The following ZNF625 variants were observed in gnomAD, a reference collection of about 807,000 sequenced individuals.
The protein encoded by ZNF625 is zinc finger protein 625.
ZNF625 carries 8 observed loss-of-function variants against 11.1 expected under a neutral mutation model. That is an observed-to-expected ratio of 0.72 (90% confidence interval 0.42 to 1.30). The LOEUF (loss-of-function observed/expected upper bound fraction) is 1.30. Ranked by LOEUF, ZNF625 falls within the 50% of genes most tolerant of loss-of-function variation. The probability of loss-of-function intolerance (pLI) is 0.01; values close to 1 mark genes in which losing one functional copy is unlikely to be tolerated. For missense variants in ZNF625, 349 were observed against 447.6 expected (o/e 0.78, Z 1.99); for synonymous variants, 145 against 153.4 (o/e 0.95, Z 0.41).
At position 12,145,090 on chromosome 19, in the gene ZNF625, A is replaced by C. The variant is rs914882062; in HGVS notation, c.*207T>G. On this transcript the variant is annotated 3_prime_UTR_variant, in exon 4 of 4. Transcript: ENST00000439556. ...GTGTCTCTCTTAAGAGTTATTTCCA[A>C]CTCTGTGTCCTAGGTATCTGAGTGA... 2 of 609,762 alleles carry C rather than the reference A, an allele frequency of 3.3e-6. No individual in the cohort carries two copies. The highest frequency in any genetic ancestry group is 1.8e-5 in the African/African-American group (1 of 54,296). 37.8% of individuals were successfully genotyped at this position (609,762 alleles called of 1,614,324 possible). A position where few individuals can be genotyped will look rare whatever the true frequency, so the allele number is the denominator to read the frequency against.
chr19:12,147,603 C>T (rs1976895239), intron 2 of ZNF625, 73 bp downstream of exon 2: 2 of 1,606,176 alleles, frequency 1.2e-6, no homozygotes, highest in South Asian at 2.2e-5. Context: ...CACTCCAAAT[C>T]ACTCAACACT....
chr19:12,150,410 C>T (rs889975274), intron 1 of ZNF625, among the ~76,000 whole-genome samples: 2 of 152,278 alleles, frequency 1.3e-5, no homozygotes, highest in Admixed American at 6.5e-5. Flanking sequence ...AGAAACCCCA[C>T]CCTGGCCCCT....
intron 1 of ZNF625, among the ~76,000 whole-genome samples, chr19:12,155,991 A>T (rs1018734145): frequency 1.3e-5 from 2 of 151,942 alleles, no homozygotes; most frequent in Admixed American, 6.6e-5. Context: ...CTGGGATTAC[A>T]GGTGGGCGGC....
chr19:12,145,792 G>A lies in ZNF625; in HGVS notation c.624C>T (p.Ile208=), dbSNP rs770419269. Residue 208 remains isoleucine, a synonymous_variant, in exon 4 of 4, where the codon ATC becomes ATT. Transcript: ENST00000439556. The part of the protein sequence containing the change: ...KALMCLSLYL[I]HKRTHTGEKP... ...TCTCTCCAGTGTGAGTTCGTTTGTGGATAAGATACAAACTGAGACACATCA... is the reference window on the plus strand; with the variant it reads ...TCTCTCCAGTGTGAGTTCGTTTGTGAATAAGATACAAACTGAGACACATCA... 1.9e-6 allele frequency: 3 copies of A among 1,613,992 alleles called. No individual in the cohort carries two copies. The highest frequency in any genetic ancestry group is 2.7e-5 in the African/African-American group (2 of 74,898).
At chr19:12,147,921 G>A (rs560317318) in intron 1 of ZNF625, 119 bp from the exon 2 acceptor site, 209 of 1,268,360 alleles carry the variant, frequency 1.6e-4, no homozygotes, top group Non-Finnish European at 2.1e-4. Context: ...TCCATGATCT[G>A]GTCATCAGAC....
intron 1 of ZNF625, among the ~76,000 whole-genome samples, chr19:12,155,350 A>G (rs1977012287): frequency 6.6e-6 from 1 of 152,140 alleles, no homozygotes; most frequent in Non-Finnish European, 1.5e-5. Flanking sequence ...AGTGAAACAT[A>G]TCTGTTTTTT....
chr19:12,147,959 C>T (rs912634098), intron 1 of ZNF625, among the ~76,000 whole-genome samples, 157 bp from the exon 2 acceptor site: 5 of 152,078 alleles, frequency 3.3e-5, no homozygotes, highest in African/African-American at 1.2e-4. Flanking sequence ...CTCACTCTTC[C>T]ATAAAGAAAT....
At position 12,145,439 on chromosome 19, in the gene ZNF625, G is replaced by A. The variant is rs956908495; in HGVS notation, c.977C>T (p.Thr326Ile). ...SHLRTHGRTH[T>I]GEKPYECKQC... ...TTTACATTCATAGGGTTTCTCTCCAGTGTGAGTCCTTCCATGTGTTCGAAG... is the reference window on the plus strand; with the variant it reads ...TTTACATTCATAGGGTTTCTCTCCAATGTGAGTCCTTCCATGTGTTCGAAG... The change falls in exon 4 of 4, where the codon ACT becomes ATT. Residue 326 changes from threonine to isoleucine, a missense_variant. Thr to Ile is a moderately conservative substitution (Grantham distance 89, BLOSUM62 -1). Coordinates refer to ENST00000439556, the MANE Select transcript of ZNF625 (RefSeq NM_145233.4). 11 of 1,614,072 alleles carry A rather than the reference G, an allele frequency of 6.8e-6. No homozygotes were observed. The Admixed American group carries it at 1.0e-4, about 15-fold the overall frequency.
intron 1 of ZNF625, among the ~76,000 whole-genome samples, chr19:12,148,944 A>G (rs1976915774): frequency 1.3e-5 from 2 of 151,908 alleles, no homozygotes; most frequent in Admixed American, 6.6e-5. Context: ...TCTTTCAGCA[A>G]TCTACTTTTG....
chr19:12,147,551 T>C, intron 2 of ZNF625, 96 bp from the exon 3 acceptor site: 1 of 1,540,256 alleles, frequency 6.5e-7, no homozygotes, highest in Non-Finnish European at 8.9e-7. Context: ...CTTGCAGCAT[T>C]TATTCACATT....
In ZNF625 at chr19:12,145,033, T is replaced by C. The variant is rs991556289; in HGVS notation, c.*264A>G. ...CCGGCCAAACCTCGTATTTTTTTTATGACAGAACTGTCTTAAGGTCTTACT... is the reference window on the plus strand; with the variant it reads ...CCGGCCAAACCTCGTATTTTTTTTACGACAGAACTGTCTTAAGGTCTTACT... On this transcript the variant is annotated 3_prime_UTR_variant, in exon 4 of 4. Coordinates refer to ENST00000439556, the MANE Select transcript of ZNF625 (RefSeq NM_145233.4). 1.0e-5 allele frequency: 4 copies of C among 390,506 alleles called. No individual in the cohort carries two copies. The highest frequency in any genetic ancestry group is 7.0e-4 in the Middle Eastern group (1 of 1,430). The allele number at this position is 390,506 out of a possible 1,614,324, so 24.2% of individuals were successfully genotyped here.
At chr19:12,156,509 C>G in intron 1 of ZNF625, 47 bp downstream of exon 1, 1 of 1,407,080 alleles carries the variant, frequency 7.1e-7, no homozygotes, top group Non-Finnish European at 9.3e-7. Flanking sequence ...GAGCCGGTTC[C>G]TCCCGGCCCC....
chr19:12,156,545 C>T lies in ZNF625; in HGVS notation c.3+11G>A, dbSNP rs773324249. ...TCCCCCGTCTCGGGACCCCCGGCCC[C>T]GCACACTCACCATTTCCCGGCTTCC... On this transcript the variant is annotated intron_variant, in intron 1 of 3. Transcript: ENST00000439556. 11 of 1,428,912 alleles carry T rather than the reference C, an allele frequency of 7.7e-6. No individual in the cohort carries two copies. The highest frequency in any genetic ancestry group is 1.0e-5 in the Non-Finnish European group (11 of 1,089,424). 88.5% of individuals were successfully genotyped at this position (1,428,912 alleles called of 1,614,324 possible). A position where few individuals can be genotyped will look rare whatever the true frequency, so the allele number is the denominator to read the frequency against.
chr19:12,146,730 C>T (rs1386405755), intron 3 of ZNF625, among the ~76,000 whole-genome samples: 1 of 152,188 alleles, frequency 6.6e-6, no homozygotes, highest in Non-Finnish European at 1.5e-5. Flanking sequence ...GGGCGCCCGG[C>T]CAACACTATT....
At chr19:12,148,700 C>T (rs932425953) in intron 1 of ZNF625, among the ~76,000 whole-genome samples, 10 of 150,886 alleles carry the variant, frequency 6.6e-5, no homozygotes, top group Non-Finnish European at 1.3e-4. Context: ...TGGCTCACTG[C>T]AACCTCAGCC....
At chr19:12,148,345 C>T (rs1260894350) in intron 1 of ZNF625, among the ~76,000 whole-genome samples, 1 of 152,096 alleles carries the variant, frequency 6.6e-6, no homozygotes, top group Non-Finnish European at 1.5e-5. Flanking sequence ...GAGCAGAAAC[C>T]TTTCTTGGAA....
At chr19:12,150,445 C>A (rs1976939298) in intron 1 of ZNF625, among the ~76,000 whole-genome samples, 1 of 152,152 alleles carries the variant, frequency 6.6e-6, no homozygotes, top group South Asian at 2.1e-4. Context: ...CAATGAAGTT[C>A]TGTTACCCCT....
In ZNF625 at chr19:12,146,134, C is replaced by A. The variant is rs1346775104; in HGVS notation, c.282G>T (p.Lys94Asn). 6.2e-7 allele frequency: 1 copy of A among 1,614,160 alleles called. No individual in the cohort carries two copies. Residue 94 changes from lysine (K) to asparagine (N), a missense_variant, in exon 4 of 4, where the codon AAG becomes AAT. Physicochemically the swap from Lys to Asn is moderately conservative, Grantham distance 94 (BLOSUM62 0). Coordinates refer to ENST00000439556, the MANE Select transcript of ZNF625 (RefSeq NM_145233.4). The stretch of plus-strand genomic sequence containing the variant: ...CACATGATTTTACTCGGGGAGTTTT[C>A]TTCTTCAGCATGTCATCTGGAACCT... ...LTQVPDDMLK[K>N]KTPRVKSCGE...
At chr19:12,146,537 C>T (rs1366786942) in intron 3 of ZNF625, among the ~76,000 whole-genome samples, 7 of 152,080 alleles carry the variant, frequency 4.6e-5, no homozygotes, top group Non-Finnish European at 4.4e-5. Flanking sequence ...GATCTGAAGC[C>T]GTCCTGCCAC....
Sources: gnomAD v4.1 joint callset for allele counts (sites outside exome capture counted in the v4.1 genomes callset) on GRCh38, gnomAD v4.1.1 for gene constraint, MANE v1.5 for transcripts, NCBI Gene and HGNC (gene_info 2026-07-23, HGNC 2026-07-21) for gene names.